NRG1: variants seen among roughly 807,000 people sequenced by gnomAD.
NRG1 encodes the protein pro-neuregulin-1, membrane-bound isoform.
In NRG1, 18 loss-of-function variants were observed where a neutral mutation model predicts 63.8. The observed-to-expected ratio is 0.28, with a 90% confidence interval of 0.19 to 0.42. NRG1 has a LOEUF of 0.42. Ranked by LOEUF, NRG1 falls within the 10% of genes least tolerant of loss-of-function variation. NRG1 has a pLI of 1.00. For synonymous variants in NRG1, 302 were observed against 301.3 expected, an observed-to-expected ratio of 1.00 and a Z score of -0.02; for missense variants, 762 against 814.7, an observed-to-expected ratio of 0.94 and a Z score of 0.79.
In NRG1 at chr8:32,473,782, C is replaced by A. The variant is rs537452231; in HGVS notation, c.38-122046C>A. On this transcript the variant is annotated intron_variant, in intron 1 of 10. Coordinates refer to the NRG1 transcript ENST00000519301. ...CACTGCAGCCTCAAACTCCTGGGCT[C>A]CATTGATCTTCCTGCTTCAACCTGC... 2.0e-4 allele frequency among the ~76,000 whole-genome samples: 30 copies of A among 152,308 alleles called. No individual in the cohort carries two copies. The East Asian group carries it at 4.4e-3, about 23-fold the overall frequency.
intron 1 of NRG1, among the ~76,000 whole-genome samples, chr8:31,718,677 C>T (rs116251101): frequency 6.6e-6 from 1 of 152,156 alleles, no homozygotes; most frequent in Non-Finnish European, 1.5e-5. Context: ...ATTTCAACAA[C>T]AGAAGCCTTT....
intron 5 of NRG1, among the ~76,000 whole-genome samples, chr8:32,713,373 T>G (rs1818289225): frequency 6.6e-6 from 1 of 152,150 alleles, no homozygotes. Context: ...CCGGTTTCGG[T>G]AAACTATCCT....
intron 1 of NRG1, among the ~76,000 whole-genome samples, chr8:32,175,788 C>T (rs1840654722): frequency 1.3e-5 from 2 of 152,064 alleles, no homozygotes; most frequent in Non-Finnish European, 2.9e-5. Flanking sequence ...ATGTGAAGGA[C>T]CTCTTCAAGG....
intron 1 of NRG1, among the ~76,000 whole-genome samples, chr8:32,026,821 C>T (rs113325461): frequency 0.079 from 12,048 of 152,056 alleles, 1,568 homozygotes; most frequent in African/African-American, 0.27. Flanking sequence ...TTGTTAAATT[C>T]TCTACTTCAG....
intron 1 of NRG1, among the ~76,000 whole-genome samples, chr8:32,187,466 G>T (rs1842076095): frequency 6.6e-6 from 1 of 152,120 alleles, no homozygotes; most frequent in South Asian, 2.1e-4. Flanking sequence ...CTGAATAAAA[G>T]AGTTATTGAG....
intron 1 of NRG1, among the ~76,000 whole-genome samples, chr8:32,556,407 G>A (rs1242239815): frequency 1.3e-5 from 2 of 152,030 alleles, no homozygotes; most frequent in Non-Finnish European, 2.9e-5. Flanking sequence ...ATTTTCCCTT[G>A]GTGAGAAAAG....
intron 1 of NRG1, among the ~76,000 whole-genome samples, chr8:31,742,276 T>G (rs1444799373): frequency 6.6e-6 from 1 of 151,844 alleles, no homozygotes; most frequent in Non-Finnish European, 1.5e-5. Context: ...TTGGAGAAGG[T>G]CATGCTATCT....
intron 1 of NRG1, among the ~76,000 whole-genome samples, chr8:31,846,103 AG>A (rs1826663024): frequency 1.3e-5 from 2 of 152,246 alleles, no homozygotes; most frequent in African/African-American, 4.8e-5. Flanking sequence ...TTTTCACCCA[AG>A]GTTTTAAAAT....
At chr8:31,672,381 C>T (rs1176469295) in intron 1 of NRG1, among the ~76,000 whole-genome samples, 1 of 152,008 alleles carries the variant, frequency 6.6e-6, no homozygotes, top group Admixed American at 6.6e-5. Context: ...ATTCATTTAA[C>T]AAAGATGGAA....
intron 1 of NRG1, among the ~76,000 whole-genome samples, chr8:32,552,847 C>G (rs1393939635): frequency 1.3e-5 from 2 of 151,948 alleles, no homozygotes; most frequent in Non-Finnish European, 2.9e-5. Flanking sequence ...TATAGAGAAC[C>G]AAAAAATATT....
At chr8:31,708,725 G>T (rs370543310) in intron 1 of NRG1, among the ~76,000 whole-genome samples, 19 of 152,084 alleles carry the variant, frequency 1.2e-4, no homozygotes, top group African/African-American at 4.6e-4. Context: ...GATTACAGGC[G>T]TGAGCCACCG....
rs1838424983 is a variant in NRG1 at position 32,158,470 on chromosome 8, T to TTTACATGATTAAATCATGTAA, written c.38-437358_38-437357insTTACATGATTAAATCATGTAA. Among the ~76,000 whole-genome samples, 4 of 134,020 alleles carry TTTACATGATTAAATCATGTAA rather than the reference T, an allele frequency of 3.0e-5. No individual in the cohort carries two copies. In the Admixed American group the frequency reaches 3.1e-4, roughly 10 times the overall value. The allele number at this position is 134,020 out of a possible 152,430, so 87.9% of individuals were successfully genotyped here. On this transcript the variant is annotated intron_variant, in intron 1 of 10. Transcript: ENST00000519301. ...CATGATATATATATATATATATATA[T>TTTACATGATTAAATCATGTAA]ATCATGTATATGTATATGATTTACC...
chr8:31,951,561 A>T (rs1200960932), intron 1 of NRG1, among the ~76,000 whole-genome samples: 1 of 152,226 alleles, frequency 6.6e-6, no homozygotes, highest in Admixed American at 6.5e-5. Flanking sequence ...CAGTCCATCT[A>T]AAAATATCTA....
At chr8:32,361,754 T>C (rs2129481447) in intron 1 of NRG1, among the ~76,000 whole-genome samples, 1 of 152,292 alleles carries the variant, frequency 6.6e-6, no homozygotes, top group Middle Eastern at 3.4e-3. Context: ...GCCACCAGGC[T>C]TAGGTTCAAA....
intron 1 of NRG1, among the ~76,000 whole-genome samples, chr8:31,855,558 T>G (rs1437494573): frequency 3.3e-5 from 5 of 152,150 alleles, no homozygotes; most frequent in Admixed American, 2.6e-4. Context: ...GGTCTTGACT[T>G]TTTATCCAGT....
chr8:32,023,681 G>C (rs1238001495), intron 1 of NRG1, among the ~76,000 whole-genome samples: 2 of 152,166 alleles, frequency 1.3e-5, no homozygotes, highest in African/African-American at 4.8e-5. Context: ...CATTGGTCCT[G>C]AGATTTCAAA....
chr8:32,221,451 A>G (rs889564183), intron 1 of NRG1, among the ~76,000 whole-genome samples: 26 of 152,186 alleles, frequency 1.7e-4, no homozygotes, highest in Non-Finnish European at 4.4e-5. Flanking sequence ...ATGTGATTTA[A>G]CTCGCATATT....
intron 5 of NRG1, among the ~76,000 whole-genome samples, chr8:32,704,105 C>T (rs1242939054): frequency 6.6e-6 from 1 of 152,148 alleles, no homozygotes; most frequent in Non-Finnish European, 1.5e-5. Context: ...AGTTGCCTAC[C>T]AGATATCATA....
At chr8:32,726,319 T>C (rs1589439800) in intron 5 of NRG1, among the ~76,000 whole-genome samples, 1 of 152,140 alleles carries the variant, frequency 6.6e-6, no homozygotes, top group Non-Finnish European at 1.5e-5. Context: ...ATTCATTGAA[T>C]GCCAATTTTT....
Sources: gnomAD v4.1 joint callset for allele counts (sites outside exome capture counted in the v4.1 genomes callset) on GRCh38, gnomAD v4.1.1 for gene constraint, MANE v1.5 for transcripts, NCBI Gene and HGNC (gene_info 2026-07-23, HGNC 2026-07-21) for gene names.